TENM3: variants seen among roughly 807,000 people sequenced by gnomAD.
TENM3 encodes the protein teneurin-3.
TENM3 carries 63 observed loss-of-function variants against 255.1 expected under a neutral mutation model. That is an observed-to-expected ratio of 0.25 (90% CI 0.20 to 0.30). The LOEUF (loss-of-function observed/expected upper bound fraction) is 0.30, where lower values mean the gene tolerates loss of function less well. TENM3 is among the 10% of genes least tolerant of loss of function. TENM3 has a pLI of 1.00. For missense variants in TENM3, 2,929 were observed against 3,461.1 expected (o/e 0.85, Z 3.86); for synonymous variants, 1,306 against 1,322.3 (o/e 0.99, Z 0.27).
chr4:182,380,875 A>T (rs576824634), intron 3 of TENM3, among the ~76,000 whole-genome samples: 1 of 152,306 alleles, frequency 6.6e-6, no homozygotes, highest in South Asian at 2.1e-4. Flanking sequence ...ATCTTCTTGA[A>T]AGTCTCTACC....
chr4:182,718,755 A>T (rs1283861370), intron 13 of TENM3, among the ~76,000 whole-genome samples: 1 of 152,190 alleles, frequency 6.6e-6, no homozygotes, highest in Non-Finnish European at 1.5e-5. Flanking sequence ...TTAGCAAGGC[A>T]GCTATCTAAT....
chr4:182,531,079 G>A (rs1459231145), intron 3 of TENM3, among the ~76,000 whole-genome samples: 1 of 152,160 alleles, frequency 6.6e-6, no homozygotes, highest in Non-Finnish European at 1.5e-5. Flanking sequence ...AGCTCTGGGA[G>A]TGGTTGGAGG....
chr4:182,401,624 C>G (rs926430418), intron 3 of TENM3, among the ~76,000 whole-genome samples: 1 of 151,994 alleles, frequency 6.6e-6, no homozygotes, highest in Admixed American at 6.6e-5. Context: ...TTCAGGTCCA[C>G]AGATGAGTAA....
intron 1 of TENM3, among the ~76,000 whole-genome samples, chr4:182,268,768 G>A (rs1273164415): frequency 6.6e-6 from 1 of 152,172 alleles, no homozygotes; most frequent in Non-Finnish European, 1.5e-5. Flanking sequence ...ACATCAGGAA[G>A]TTCTGCTATA....
chr4:181,799,556 T>C, the TENM3 span, among the ~76,000 whole-genome samples: 1 of 152,244 alleles, frequency 6.6e-6, no homozygotes, highest in Non-Finnish European at 1.5e-5. Flanking sequence ...ATTACTGTTA[T>C]AAACTTTTAT....
the TENM3 span, among the ~76,000 whole-genome samples, chr4:181,795,025 G>A: frequency 6.6e-6 from 1 of 152,146 alleles, no homozygotes; most frequent in South Asian, 2.1e-4. Context: ...ACTAACAATA[G>A]CCTACAATCC....
the TENM3 span, among the ~76,000 whole-genome samples, chr4:181,559,958 G>A: frequency 6.6e-6 from 1 of 152,130 alleles, no homozygotes; most frequent in Non-Finnish European, 1.5e-5. Context: ...TCTTAAAACA[G>A]GAATATAATT....
intron 19 of TENM3, among the ~76,000 whole-genome samples, chr4:182,749,689 T>C (rs1762242050): frequency 6.6e-6 from 1 of 152,202 alleles, no homozygotes; most frequent in Non-Finnish European, 1.5e-5. Context: ...CATTTAGTGT[T>C]AGTAATGAAG....
chr4:181,494,294 C>CT, the TENM3 span, among the ~76,000 whole-genome samples: 2 of 151,968 alleles, frequency 1.3e-5, no homozygotes, highest in African/African-American at 4.8e-5. Context: ...CCGTTGGCTT[C>CT]TTTTTTTGAG....
intron 3 of TENM3, among the ~76,000 whole-genome samples, chr4:182,484,845 TA>T (rs1170458960): frequency 6.6e-6 from 1 of 152,146 alleles, no homozygotes; most frequent in South Asian, 2.1e-4. Flanking sequence ...ATTAACTTGT[TA>T]AAAAATTCAG....
the TENM3 span, among the ~76,000 whole-genome samples, chr4:181,673,470 A>G: frequency 1.3e-5 from 2 of 152,176 alleles, no homozygotes; most frequent in Non-Finnish European, 2.9e-5. Flanking sequence ...TTATAATAGA[A>G]ATTTTAAGCA....
intron 4 of TENM3, among the ~76,000 whole-genome samples, chr4:182,615,944 A>G (rs913809378): frequency 2.0e-5 from 3 of 152,218 alleles, no homozygotes; most frequent in Admixed American, 2.0e-4. Context: ...AACTTAAGCT[A>G]AGAAACTGAT....
chr4:182,499,851 T>A (rs1359462713), intron 3 of TENM3, among the ~76,000 whole-genome samples: 1 of 152,190 alleles, frequency 6.6e-6, no homozygotes, highest in Non-Finnish European at 1.5e-5. Context: ...CTATTTTTTC[T>A]TTATAACATT....
chr4:182,609,065 G>A (rs1748725289), intron 4 of TENM3, among the ~76,000 whole-genome samples: 1 of 152,216 alleles, frequency 6.6e-6, no homozygotes, highest in African/African-American at 2.4e-5. Flanking sequence ...GCAACTCTTG[G>A]GGATGGGACT....
intron 1 of TENM3, among the ~76,000 whole-genome samples, chr4:182,179,746 A>G (rs1579620074): frequency 6.6e-6 from 1 of 152,210 alleles, no homozygotes; most frequent in African/African-American, 2.4e-5. Context: ...TTTGTGAAAC[A>G]GGAAGTTTTT....
chr4:182,666,549 C>T (rs760061280), intron 6 of TENM3, among the ~76,000 whole-genome samples: 6 of 152,128 alleles, frequency 3.9e-5, no homozygotes, highest in Non-Finnish European at 5.9e-5. Flanking sequence ...ATCAGATGAT[C>T]GGTAGCATTT....
chr4:182,593,383 T>C (rs763981614), intron 3 of TENM3, among the ~76,000 whole-genome samples: 8 of 152,194 alleles, frequency 5.3e-5, no homozygotes, highest in Non-Finnish European at 8.8e-5. Context: ...CTCCACCCAG[T>C]TTCTGCCTGT....
intron 3 of TENM3, among the ~76,000 whole-genome samples, chr4:182,396,778 A>G (rs1198751077): frequency 1.3e-5 from 2 of 152,054 alleles, no homozygotes; most frequent in African/African-American, 2.4e-5. Context: ...CCTGGCCAAC[A>G]TGGTGAAACC....
At chr4:182,230,203 T>C (rs1163056200) in intron 1 of TENM3, among the ~76,000 whole-genome samples, 1 of 151,114 alleles carries the variant, frequency 6.6e-6, no homozygotes, top group Non-Finnish European at 1.5e-5. Context: ...AAATAACTAC[T>C]GTTCAGGGGC....
Sources: allele counts gnomAD v4.1 joint callset (sites outside exome capture counted in the v4.1 genomes callset), GRCh38; gene constraint gnomAD v4.1.1; transcripts MANE v1.5; gene names NCBI Gene and HGNC (gene_info 2026-07-23, HGNC 2026-07-21).